ZNF268: variants seen among roughly 807,000 people sequenced by gnomAD.
The protein encoded by ZNF268 is zinc finger protein 3.
In ZNF268, 20 loss-of-function variants were observed where a neutral mutation model predicts 29.3. The ratio of observed to expected loss-of-function variants is 0.68; its 90% CI spans 0.48 to 0.99. The LOEUF (loss-of-function observed/expected upper bound fraction) is 0.99, where lower values mean the gene tolerates loss of function less well. Among genes scored for constraint, ZNF268 ranks in the 50% least tolerant of loss-of-function variants. The pLI is 0.00. For synonymous variants in ZNF268, 429 were observed against 376.9 expected (o/e 1.14, Z -1.60); for missense variants, 1,240 against 1,121.6 (o/e 1.11, Z -1.51).
At chr12:133,183,775 A>G (rs1055807983) in intron 2 of ZNF268, among the ~76,000 whole-genome samples, 1 of 152,178 alleles carries the variant, frequency 6.6e-6, no homozygotes, top group Admixed American at 6.6e-5. Flanking sequence ...TGTGTACCCT[A>G]AGAAGAGAAC....
rs755652478 is a variant in ZNF268, at chr12:133,214,019, G to T, written c.*9489G>T. Reference sequence around the variant, plus strand: ...AAAAAAAGGTGAATATAGGAGAAAAGACACTGTAAAATAATATACCTGATA... The same window carrying T: ...AAAAAAAGGTGAATATAGGAGAAAATACACTGTAAAATAATATACCTGATA... On this transcript the variant is annotated 3_prime_UTR_variant, in exon 6 of 6. Coordinates refer to ENST00000536435, the MANE Select transcript of ZNF268 (RefSeq NM_003415.3). 7 of 150,916 alleles carry T rather than the reference G, an allele frequency of 4.6e-5. No homozygotes were observed. The highest frequency in any genetic ancestry group is 7.4e-5 in the Non-Finnish European group (5 of 67,862). The allele number at this position is 150,916 out of a possible 1,614,324, so 9.3% of individuals were successfully genotyped here.
Position 133,202,257 on chromosome 12 carries a change from AG to A in ZNF268, c.572del (p.Ser191IlefsTer20). ...CTTFGKLCLLSTKYLSRQKPH... is the reference protein window; with the variant it reads ...CTTFGKLCLLXTKYLSRQKPH... ...TACATTTGGAAAACTATGTCTTCTT[AG>A]TACAAAGTATCTTTCAAGACAAAAA... On this transcript the variant is annotated frameshift_variant, in exon 6 of 6. Coordinates refer to ENST00000536435, the MANE Select transcript of ZNF268 (RefSeq NM_003415.3). LOFTEE classifies it low-confidence loss of function (END_TRUNC). The A allele has an allele frequency of 6.2e-7, 1 of 1,612,570 alleles. No homozygotes were observed. The highest frequency in any genetic ancestry group is 1.7e-4 in the Middle Eastern group (1 of 6,060).
In ZNF268 at chr12:133,181,594, G is replaced by C. The variant is rs1027897919; in HGVS notation, c.-145G>C. The C allele has an allele frequency of 5.6e-6, 1 of 179,374 alleles. No homozygotes were observed. The highest frequency in any genetic ancestry group is 1.7e-4 in the South Asian group (1 of 5,754). The allele number at this position is 179,374 out of a possible 1,614,324, so 11.1% of individuals were successfully genotyped here. On this transcript the variant is annotated 5_prime_UTR_variant, in exon 1 of 6. Coordinates refer to ENST00000536435, the MANE Select transcript of ZNF268 (RefSeq NM_003415.3). ...GGTCAACGGGCCAGCCGAGTCTGGA[G>C]TGGTTGCGAACCCTTCTGGCTGCAG...
rs921236206 is a variant in ZNF268, at chr12:133,204,666, A to T, written c.*136A>T. ...AATAGAAACTTTATGAATGCACAGC[A>T]TATGGAAAGGCATCCACAGAAAGCT... On this transcript the variant is annotated 3_prime_UTR_variant, in exon 6 of 6. Coordinates refer to ENST00000536435, the MANE Select transcript of ZNF268 (RefSeq NM_003415.3). 1.9e-5 allele frequency: 12 copies of T among 638,522 alleles called. 2 individuals carry two copies. In the South Asian group the frequency reaches 3.0e-4, roughly 16 times the overall value. 39.6% of individuals were successfully genotyped at this position (638,522 alleles called of 1,614,324 possible).
chr12:133,214,822 A>C lies in ZNF268; in HGVS notation c.*10292A>C, dbSNP rs1957033815. ...AAATTTTACCTCAATAAAAAAATCTAGTCCACAGCATTCCCTCACCAGGGT... is the reference window on the plus strand; with the variant it reads ...AAATTTTACCTCAATAAAAAAATCTCGTCCACAGCATTCCCTCACCAGGGT... On this transcript the variant is annotated 3_prime_UTR_variant, in exon 6 of 6. Coordinates refer to ENST00000536435, the MANE Select transcript of ZNF268 (RefSeq NM_003415.3). 1 of 152,230 alleles carries C rather than the reference A, an allele frequency of 6.6e-6. No individual in the cohort carries two copies. The highest frequency in any genetic ancestry group is 2.4e-5 in the African/African-American group (1 of 41,464). The allele number at this position is 152,230 out of a possible 1,614,324, so 9.4% of individuals were successfully genotyped here. A position where few individuals can be genotyped will look rare whatever the true frequency, so the allele number is the denominator to read the frequency against.
rs144667902 is a variant in ZNF268, at chr12:133,188,655, C to T, written c.234+583C>T. Among the ~76,000 whole-genome samples, 618 of 151,884 alleles carry T rather than the reference C, an allele frequency of 4.1e-3. 5 individuals carry two copies. Among genetic ancestry groups the T allele is most frequent in the African/African-American group, 0.014 (582 of 41,434 alleles). On this transcript the variant is annotated intron_variant, in intron 3 of 5. Transcript: ENST00000536435. ...CTTTTTTTTAAAAAATGTGTGTTTA[C>T]GTAATATGTATTGTTCGGGAAGCTT... is the stretch of plus-strand genomic sequence containing the variant.
At position 133,213,539 on chromosome 12, in the gene ZNF268, GA is replaced by G. The variant is rs371778078; in HGVS notation, c.*9019del. On this transcript the variant is annotated 3_prime_UTR_variant, in exon 6 of 6. Transcript: ENST00000536435. Reference sequence around the variant, plus strand: ...TCTCTACTAAAAATAAAAAAAAAGAGAAAAAAAAAAGCCGGGTGTGGTGGCA... The same window carrying G: ...TCTCTACTAAAAATAAAAAAAAAGAGAAAAAAAAAGCCGGGTGTGGTGGCA... The G allele has an allele frequency of 1.3e-4, 19 of 144,780 alleles. No homozygotes were observed. Among genetic ancestry groups the G allele is most frequent in the South Asian group, 8.9e-4 (4 of 4,484 alleles). 9.0% of individuals were successfully genotyped at this position (144,780 alleles called of 1,614,324 possible).
At chr12:133,191,874 T>C in intron 4 of ZNF268, 34 bp from the exon 5 acceptor site, 1 of 1,600,546 alleles carries the variant, frequency 6.2e-7, no homozygotes, top group Non-Finnish European at 8.6e-7. Flanking sequence ...TCAAGCTGTT[T>C]GTTCCAGGTT....
At chr12:133,190,163 C>G (rs970649849) in intron 3 of ZNF268, among the ~76,000 whole-genome samples, 7 of 152,180 alleles carry the variant, frequency 4.6e-5, no homozygotes, top group African/African-American at 1.7e-4. Flanking sequence ...AGGAATATGT[C>G]CTTTTCAACT....
At chr12:133,195,957 G>A (rs916969045) in intron 5 of ZNF268, among the ~76,000 whole-genome samples, 3 of 147,822 alleles carry the variant, frequency 2.0e-5, no homozygotes, top group Non-Finnish European at 3.0e-5. Flanking sequence ...AGGTGATCCC[G>A]CCTCAGCCTC....
chr12:133,210,689 G>A lies in ZNF268; in HGVS notation c.*6159G>A, dbSNP rs150097110. The stretch of plus-strand genomic sequence containing the variant: ...GTAGAAGCAAGGTCTGTTTGTCACT[G>A]TGGATTCCCCCCTGCCAAGGGTCCC... On this transcript the variant is annotated 3_prime_UTR_variant, in exon 6 of 6. Coordinates refer to ENST00000536435, the MANE Select transcript of ZNF268 (RefSeq NM_003415.3). 2,753 of 376,210 alleles carry A rather than the reference G, an allele frequency of 7.3e-3. 61 individuals are homozygous for A. The highest frequency in any genetic ancestry group is 0.054 in the African/African-American group (2,538 of 47,064). 23.3% of individuals were successfully genotyped at this position (376,210 alleles called of 1,614,324 possible).
At chr12:133,196,345 G>A (rs979810707) in intron 5 of ZNF268, among the ~76,000 whole-genome samples, 1 of 146,828 alleles carries the variant, frequency 6.8e-6, no homozygotes, top group South Asian at 2.1e-4. Flanking sequence ...AAAAAAGCCT[G>A]TCTTTTAGTT....
chr12:133,190,678 TTC>T (rs1956445774), intron 3 of ZNF268, among the ~76,000 whole-genome samples: 1 of 152,216 alleles, frequency 6.6e-6, no homozygotes, highest in African/African-American at 2.4e-5. Context: ...GTGTCTTCTC[TTC>T]TGGGTACCAA....
chr12:133,192,053 TTCCAATGTGATGTGC>T (rs1956488861), intron 5 of ZNF268, 50 bp downstream of exon 5: 2 of 1,486,784 alleles, frequency 1.3e-6, no homozygotes, highest in Admixed American at 3.6e-5. Context: ...TTAGCATGAA[TTCCAATGTGATGTGC>T]TCCTCTTGTT....
intron 5 of ZNF268, among the ~76,000 whole-genome samples, chr12:133,201,442 G>A (rs2135518969): frequency 6.6e-6 from 1 of 152,138 alleles, no homozygotes; most frequent in Non-Finnish European, 1.5e-5. Context: ...TGAGACCTGT[G>A]CATCTGAAAA....
Position 133,212,493 on chromosome 12 carries a change from A to ATATG in ZNF268, c.*7966_*7967insGTAT. 1 of 21,134 alleles carries ATATG rather than the reference A, an allele frequency of 4.7e-5. No homozygotes were observed. The highest frequency in any genetic ancestry group is 4.9e-4 in the Admixed American group (1 of 2,026). 1.3% of individuals were successfully genotyped at this position (21,134 alleles called of 1,614,324 possible). A position where few individuals can be genotyped will look rare whatever the true frequency, so the allele number is the denominator to read the frequency against. On this transcript the variant is annotated 3_prime_UTR_variant, in exon 6 of 6. Transcript: ENST00000536435. ...TATATATATATATATATATATATAT[A>ATATG]TATATGTATATATACACACACACAT...
Sources: gnomAD v4.1 joint callset for allele counts (sites outside exome capture counted in the v4.1 genomes callset) on GRCh38, gnomAD v4.1.1 for gene constraint, MANE v1.5 for transcripts, NCBI Gene and HGNC (gene_info 2026-07-23, HGNC 2026-07-21) for gene names.